Variants in KIF2A observed in about 807,000 individuals in gnomAD.
KIF2A encodes kinesin-like protein KIF2A.
A neutral mutation model predicts 100.2 loss-of-function variants in KIF2A; 22 were observed. The observed-to-expected ratio is 0.22, with a 90% CI of 0.16 to 0.31. KIF2A has a LOEUF of 0.31. Ranked by LOEUF, KIF2A falls within the 10% of genes least tolerant of loss-of-function variation. The pLI is 1.00. For synonymous variants in KIF2A, 268 were observed against 285.9 expected (o/e 0.94, Z 0.63); for missense variants, 495 against 898.7 (o/e 0.55, Z 5.74).
rs1325893723 is a variant in KIF2A at position 62,357,671 on chromosome 5, A to C, written c.655-20A>C. 2 of 1,374,972 alleles carry C rather than the reference A, an allele frequency of 1.5e-6. No individual in the cohort carries two copies. Among genetic ancestry groups the C allele is most frequent in the Non-Finnish European group, 2.0e-6 (2 of 983,946 alleles). The allele number at this position is 1,374,972 out of a possible 1,614,324, so 85.2% of individuals were successfully genotyped here. The stretch of plus-strand genomic sequence containing the variant: ...ACATGACACTAATAATCACTGAAAT[A>C]AAATACTTTTTATTTCTAGATTGAT... On this transcript the variant is annotated intron_variant, in intron 7 of 20. Transcript: ENST00000407818.
chr5:62,383,426 G>T (rs1741876398), intron 20 of KIF2A, among the ~76,000 whole-genome samples: 1 of 151,102 alleles, frequency 6.6e-6, no homozygotes, highest in South Asian at 2.1e-4. Context: ...TGTATTTTTA[G>T]TAGAGACGGG....
chr5:62,333,317 C>G (rs571956239), intron 1 of KIF2A, among the ~76,000 whole-genome samples: 40 of 152,256 alleles, frequency 2.6e-4, no homozygotes, highest in Admixed American at 2.0e-3. Context: ...TTTGCCTGTA[C>G]TTTCCAAAAC....
intron 1 of KIF2A, among the ~76,000 whole-genome samples, chr5:62,317,268 G>A (rs373793782): frequency 7.2e-5 from 11 of 152,190 alleles, no homozygotes; most frequent in South Asian, 4.2e-4. Context: ...GGCTGGTTTC[G>A]AACTCCTGGC....
chr5:62,389,152 A>G lies in KIF2A; in HGVS notation c.*3583A>G, dbSNP rs977516842. On this transcript the variant is annotated 3_prime_UTR_variant, in exon 21 of 21. Transcript: ENST00000407818. ...ATTAATACTAAAACATGAATACAGCATGCTTACAGAGCCCACCCACTCCTA... is the reference window on the plus strand; with the variant it reads ...ATTAATACTAAAACATGAATACAGCGTGCTTACAGAGCCCACCCACTCCTA... The G allele has an allele frequency of 3.4e-5, 35 of 1,042,894 alleles. No individual in the cohort carries two copies. The highest frequency in any genetic ancestry group is 2.1e-4 in the Middle Eastern group (1 of 4,798). The allele number at this position is 1,042,894 out of a possible 1,614,324, so 64.6% of individuals were successfully genotyped here.
chr5:62,357,737 A>C lies in KIF2A; in HGVS notation c.701A>C (p.Asn234Thr). Residue 234 changes from asparagine to threonine, a missense_variant, in exon 8 of 21, where the codon AAT becomes ACT. Asn to Thr is a moderately conservative substitution (Grantham distance 65). Around this residue, in one of 10 missense-constraint regions of KIF2A, gnomAD observed 109 missense variants for 244.2 expected, o/e 0.45. Coordinates refer to ENST00000407818, the MANE Select transcript of KIF2A (RefSeq NM_001098511.3). ...ICVCVRKRPL[N>T]KKETQMKDLD... is the part of the protein sequence containing the mutation. ...GTGTGTGTAAGAAAACGACCACTCA[A>C]TAAAAAAGGTATGGCACTTAATGAG... The C allele has an allele frequency of 6.4e-7, 1 of 1,552,428 alleles. No homozygotes were observed.
In KIF2A at chr5:62,348,524, C is replaced by T. The variant is rs115287860; in HGVS notation, c.279+357C>T. Among the ~76,000 whole-genome samples, 435 of 152,248 alleles carry T rather than the reference C, an allele frequency of 2.9e-3. 1 individual carries two copies. Among genetic ancestry groups the T allele is most frequent in the African/African-American group, 0.01 (417 of 41,548 alleles). On this transcript the variant is annotated intron_variant, in intron 3 of 20. Coordinates refer to ENST00000407818, the MANE Select transcript of KIF2A (RefSeq NM_001098511.3). ...GTTTCTTAGGAATAATAACTACCAA[C>T]TCTGATAGTCTTTTGAAAGTATAAT...
chr5:62,368,613 T>G (rs953978993), intron 16 of KIF2A, among the ~76,000 whole-genome samples: 1 of 151,876 alleles, frequency 6.6e-6, no homozygotes. Flanking sequence ...CCCGTCTCTA[T>G]AAAAAATACA....
chr5:62,366,846 A>T (rs552141598), intron 16 of KIF2A, among the ~76,000 whole-genome samples: 1 of 152,036 alleles, frequency 6.6e-6, no homozygotes, highest in East Asian at 1.9e-4. Flanking sequence ...AAAAAAAAAA[A>T]TTAATATTTG....
At chr5:62,324,379 C>CA (rs1746256754) in intron 1 of KIF2A, among the ~76,000 whole-genome samples, 1 of 151,984 alleles carries the variant, frequency 6.6e-6, no homozygotes, top group South Asian at 2.1e-4. Flanking sequence ...TCATATGAAC[C>CA]AAAAAAGAAC....
intron 20 of KIF2A, among the ~76,000 whole-genome samples, chr5:62,383,229 ATTTTTTTTTTTTTTTT>A (rs70977902): frequency 7.7e-5 from 3 of 39,064 alleles, no homozygotes; most frequent in East Asian, 9.1e-4. Context: ...GCCTGGCCAG[ATTTTTTTTTTTTTTTT>A]TTTTTTTTTT....
At chr5:62,331,272 G>A (rs1045522015) in intron 1 of KIF2A, among the ~76,000 whole-genome samples, 5 of 152,178 alleles carry the variant, frequency 3.3e-5, no homozygotes, top group African/African-American at 1.2e-4. Context: ...TTAGCCAGGC[G>A]TGGTGGTGCA....
chr5:62,346,706 C>G (rs1747588375), intron 1 of KIF2A, among the ~76,000 whole-genome samples: 1 of 152,134 alleles, frequency 6.6e-6, no homozygotes, highest in Non-Finnish European at 1.5e-5. Flanking sequence ...CATCACTGCT[C>G]TATAGCTTAG....
chr5:62,334,729 C>T (rs569910072), intron 1 of KIF2A, among the ~76,000 whole-genome samples: 2 of 152,268 alleles, frequency 1.3e-5, no homozygotes, highest in East Asian at 3.9e-4. Context: ...CAGTGTCACC[C>T]ACCCTGTCTT....
At chr5:62,338,490 A>G (rs1022331827) in intron 1 of KIF2A, among the ~76,000 whole-genome samples, 2 of 152,116 alleles carry the variant, frequency 1.3e-5, no homozygotes, top group Non-Finnish European at 2.9e-5. Flanking sequence ...GAGTTCCACC[A>G]TGTTGGCCAG....
rs1379850655 is a variant in KIF2A at position 62,387,259 on chromosome 5, T to C, written c.*1690T>C. On this transcript the variant is annotated 3_prime_UTR_variant, in exon 21 of 21. Transcript: ENST00000407818. ...GTTTTCTTGCAGCTGTAAGATATATTCTATTTGTGTTTATTTCAAAGGGAA... is the reference window on the plus strand; with the variant it reads ...GTTTTCTTGCAGCTGTAAGATATATCCTATTTGTGTTTATTTCAAAGGGAA... The C allele has an allele frequency of 1.3e-5, 2 of 152,218 alleles. No individual in the cohort carries two copies. Among genetic ancestry groups the C allele is most frequent in the Non-Finnish European group, 2.9e-5 (2 of 68,036 alleles). 9.4% of individuals were successfully genotyped at this position (152,218 alleles called of 1,614,324 possible).
chr5:62,345,971 T>G (rs73760589), intron 1 of KIF2A, among the ~76,000 whole-genome samples: 3,222 of 152,220 alleles, frequency 0.021, 127 homozygotes, highest in African/African-American at 0.073. Context: ...GTTGGTGTGC[T>G]TCTAGGAATT....
intron 1 of KIF2A, among the ~76,000 whole-genome samples, chr5:62,330,074 G>A (rs890237604): frequency 3.3e-5 from 5 of 152,146 alleles, no homozygotes; most frequent in Non-Finnish European, 7.4e-5. Flanking sequence ...AATGGGGCCG[G>A]GCACAGTGGC....
intron 1 of KIF2A, among the ~76,000 whole-genome samples, chr5:62,338,244 A>G (rs2111874155): frequency 6.6e-6 from 1 of 152,332 alleles, no homozygotes; most frequent in Non-Finnish European, 1.5e-5. Context: ...TCATATAAAA[A>G]TAACAAAATG....
At chr5:62,306,855 C>A (rs555146170) in intron 1 of KIF2A, 5 of 362,768 alleles carry the variant, frequency 1.4e-5, no homozygotes, top group Middle Eastern at 7.2e-4. Context: ...CCAGCCCCCC[C>A]CCGGGGACAC....
Sources: gnomAD v4.1 joint callset for allele counts (sites outside exome capture counted in the v4.1 genomes callset) on GRCh38, gnomAD v4.1.1 for gene constraint, gnomAD v4.1.1 regional missense constraint, MANE v1.5 for transcripts, NCBI Gene and HGNC (gene_info 2026-07-23, HGNC 2026-07-21) for gene names.